Variants in SLC2A5 observed in about 807,000 individuals in gnomAD.
The protein encoded by SLC2A5 is solute carrier family 2, facilitated glucose transporter member 5.
SLC2A5 carries 56 observed loss-of-function variants against 50.3 expected under a neutral mutation model. The ratio of observed to expected loss-of-function variants is 1.11; its 90% CI spans 0.90 to 1.39. The LOEUF (loss-of-function observed/expected upper bound fraction) is 1.39, where lower values mean the gene tolerates loss of function less well. Among genes scored for constraint, SLC2A5 ranks in the 40% most tolerant of loss-of-function variants. The pLI is 0.00. For synonymous variants in SLC2A5, 269 were observed against 281.9 expected (o/e 0.95, Z 0.46); for missense variants, 566 against 650.1 (o/e 0.87, Z 1.41).
At chr1:9,087,545 C>T (rs1044382307) in intron 1 of SLC2A5, among the ~76,000 whole-genome samples, 8 of 152,080 alleles carry the variant, frequency 5.3e-5, no homozygotes, top group South Asian at 2.1e-4. Context: ...TGCCAAAACC[C>T]GGGATGGGTG....
intron 1 of SLC2A5, among the ~76,000 whole-genome samples, chr1:9,059,536 C>CTTTTTTTTTTTT (rs58395185): frequency 1.7e-4 from 17 of 98,392 alleles, no homozygotes; most frequent in African/African-American, 4.1e-4. Context: ...TACAGAGAAT[C>CTTTTTTTTTTTT]TTTTTTTTTT....
rs1252229339 is a variant in SLC2A5, at chr1:9,063,555, T to G, written c.34-5305A>C. The stretch of plus-strand genomic sequence containing the variant: ...GCCTGGCTAATTTTTGTATTTTTAG[T>G]AGAGACGGGGTTTCACCATGTTGGC... On this transcript the variant is annotated intron_variant, in intron 1 of 11. Transcript: ENST00000377424. Among the ~76,000 whole-genome samples, 16 of 151,256 alleles carry G rather than the reference T, an allele frequency of 1.1e-4. No individual in the cohort carries two copies. The East Asian group carries it at 3.1e-3, about 30-fold the overall frequency.
At chr1:9,059,413 G>A (rs1039204985) in intron 1 of SLC2A5, among the ~76,000 whole-genome samples, 1 of 151,860 alleles carries the variant, frequency 6.6e-6, no homozygotes, top group African/African-American at 2.4e-5. Context: ...AAAGTACTGG[G>A]ATTACAGGCG....
chr1:9,092,554 C>T (rs1166253245), upstream of SLC2A5, among the ~76,000 whole-genome samples: 2 of 152,178 alleles, frequency 1.3e-5, no homozygotes, highest in Non-Finnish European at 2.9e-5. Context: ...CCTTCCAAAA[C>T]AGGATTGGCA....
At chr1:9,083,971 C>T (rs1271786929) in intron 2 of SLC2A5, among the ~76,000 whole-genome samples, 4 of 151,742 alleles carry the variant, frequency 2.6e-5, no homozygotes, top group Non-Finnish European at 5.9e-5. Context: ...GGTGAAACCC[C>T]GTCTCTACTA....
At chr1:9,085,424 G>C (rs376127986) in intron 1 of SLC2A5, among the ~76,000 whole-genome samples, 10 of 152,342 alleles carry the variant, frequency 6.6e-5, no homozygotes, top group African/African-American at 2.4e-4. Flanking sequence ...ATAATTGTTT[G>C]AATTTGTCTA....
upstream of SLC2A5, among the ~76,000 whole-genome samples, chr1:9,073,925 C>A (rs570946170): frequency 1.1e-3 from 173 of 152,272 alleles, 1 homozygote; most frequent in Admixed American, 3.3e-3. Context: ...ATTAAAAATA[C>A]AAGAATTAGC....
upstream of SLC2A5, among the ~76,000 whole-genome samples, chr1:9,090,738 C>A (rs1642454771): frequency 1.3e-5 from 2 of 152,216 alleles, no homozygotes; most frequent in African/African-American, 2.4e-5. Context: ...CTGCTCCCAA[C>A]AACTCACCTG....
chr1:9,039,602 A>C lies in SLC2A5; in HGVS notation c.946T>G (p.Tyr316Asp), dbSNP rs1289350902. The C allele has an allele frequency of 6.3e-7, 1 of 1,576,748 alleles. No homozygotes were observed. The highest frequency in any genetic ancestry group is 1.8e-5 in the Admixed American group (1 of 55,466). Reference sequence around the variant, plus strand: ...ACGGCCCCGGTGCCGGCCGTCACGTACTGCACGTGCTCCTCCGGCACGCCG... The same window carrying C: ...ACGGCCCCGGTGCCGGCCGTCACGTCCTGCACGTGCTCCTCCGGCACGCCG... ...SAGVPEEHVQ[Y>D]VTAGTGAVNV... Residue 316 changes from tyrosine to aspartate, a missense_variant, in exon 8 of 12, where the codon TAC becomes GAC. Transcript: ENST00000377424.
intron 9 of SLC2A5, 80 bp downstream of exon 9, chr1:9,038,748 G>A (rs1641210121): frequency 6.7e-7 from 1 of 1,487,750 alleles, no homozygotes; most frequent in African/African-American, 1.4e-5. Flanking sequence ...TTATTTTAAG[G>A]CAGGTGGAGG....
intron 1 of SLC2A5, chr1:9,085,266 C>G (rs868469710): frequency 6.6e-6 from 1 of 152,216 alleles, no homozygotes; most frequent in Non-Finnish European, 1.5e-5. Flanking sequence ...CCCAAGGGTA[C>G]AGCTTGCTTT....
At chr1:9,044,465 G>T (rs1641389341) in intron 4 of SLC2A5, among the ~76,000 whole-genome samples, 1 of 152,190 alleles carries the variant, frequency 6.6e-6, no homozygotes, top group East Asian at 1.9e-4. Flanking sequence ...TACTCATCTT[G>T]GCACCCCCCT....
At chr1:9,088,035 C>A (rs1232347132) in intron 1 of SLC2A5, among the ~76,000 whole-genome samples, 1 of 152,128 alleles carries the variant, frequency 6.6e-6, no homozygotes, top group East Asian at 1.9e-4. Context: ...CTTTGACTTT[C>A]AAATTCTCAG....
Position 9,041,788 on chromosome 1 carries a change from C to G in SLC2A5, c.568G>C (p.Asp190His). 1 of 1,614,062 alleles carries G rather than the reference C, an allele frequency of 6.2e-7. No individual in the cohort carries two copies. Among genetic ancestry groups the G allele is most frequent in the Non-Finnish European group, 8.5e-7 (1 of 1,180,018 alleles). The stretch of plus-strand genomic sequence containing the variant: ...TCCCGAGATGTCCTGAACTCACCAT[C>G]TACGTTTGCAAGGAGATTCCGAAGA... ...FGLRNLLANV[D>H]GWPILLGLTG... The change falls in exon 5 of 12, where the codon GAT becomes CAT. Residue 190 changes from aspartate (D) to histidine (H), a missense_variant. Asp to His is a moderately conservative substitution (Grantham distance 81, BLOSUM62 -1). Transcript: ENST00000377424.
chr1:9,043,300 C>G (rs556001644), intron 4 of SLC2A5, among the ~76,000 whole-genome samples: 1 of 152,278 alleles, frequency 6.6e-6, no homozygotes, highest in Non-Finnish European at 1.5e-5. Flanking sequence ...CCATGTTTTC[C>G]TGTTTGGCAA....
Position 9,068,650 on chromosome 1 carries a change from C to T in SLC2A5, c.33+854G>A, listed in dbSNP as rs574436760. Among the ~76,000 whole-genome samples, 118 of 152,132 alleles carry T rather than the reference C, an allele frequency of 7.8e-4. 1 individual carries two copies. The highest frequency in any genetic ancestry group is 1.7e-3 in the Non-Finnish European group (114 of 68,008). ...TATTTTTAGTAGAGATGGGGTTTCA[C>T]CATGTTGGCCAGGCTGGTCTCGAAC... On this transcript the variant is annotated intron_variant, in intron 1 of 11. Coordinates refer to ENST00000377424, the MANE Select transcript of SLC2A5 (RefSeq NM_003039.3).
chr1:9,083,145 A>G (rs12748352), intron 2 of SLC2A5, among the ~76,000 whole-genome samples: 13,136 of 152,326 alleles, frequency 0.086, 696 homozygotes, highest in Middle Eastern at 0.2. Context: ...ATTGTTTTAA[A>G]GACAACTACT....
upstream of SLC2A5, among the ~76,000 whole-genome samples, chr1:9,089,369 T>A (rs1226964185): frequency 1.3e-5 from 2 of 152,166 alleles, no homozygotes; most frequent in Admixed American, 6.5e-5. Flanking sequence ...GGACCCAGAA[T>A]CTAGAGAAGG....
chr1:9,051,496 TAACA>T (rs1236942083), intron 3 of SLC2A5, among the ~76,000 whole-genome samples: 5 of 152,212 alleles, frequency 3.3e-5, no homozygotes, highest in Admixed American at 6.5e-5. Context: ...CCAAAGATCT[TAACA>T]GACACCTCAC....
Sources: allele counts gnomAD v4.1 joint callset (sites outside exome capture counted in the v4.1 genomes callset), GRCh38; gene constraint gnomAD v4.1.1; transcripts MANE v1.5; gene names NCBI Gene and HGNC (gene_info 2026-07-23, HGNC 2026-07-21).